Variants in CPSF4L observed in about 807,000 individuals in gnomAD.
CPSF4L encodes the protein cleavage and polyadenylation specific factor 4 like.
A neutral mutation model predicts 24.0 loss-of-function variants in CPSF4L; 18 were observed. The observed-to-expected ratio is 0.75, with a 90% CI of 0.52 to 1.11. CPSF4L has a LOEUF of 1.11. CPSF4L is among the 50% of genes least tolerant of loss of function. CPSF4L has a pLI of 0.00. For missense variants in CPSF4L, 211 were observed against 221.8 expected (o/e 0.95, Z 0.31); for synonymous variants, 72 against 77.2 (o/e 0.93, Z 0.35).
chr17:73,262,898 G>A (rs557318006), upstream of CPSF4L, among the ~76,000 whole-genome samples: 4 of 152,184 alleles, frequency 2.6e-5, no homozygotes, highest in East Asian at 1.9e-4. Context: ...GTTGTTCCCC[G>A]TGGCTGTTGC....
At chr17:73,249,987 C>T in intron 5 of CPSF4L, 1 of 365,456 alleles carries the variant, frequency 2.7e-6, no homozygotes, top group Admixed American at 4.6e-5. Context: ...TTCCCATAGA[C>T]TCGAGCTTTT....
downstream of CPSF4L, chr17:73,248,292 G>A: frequency 1.7e-6 from 1 of 578,286 alleles, no homozygotes; most frequent in Non-Finnish European, 3.1e-6. Context: ...ACAGAAGCCA[G>A]TACGCTTCAG....
upstream of CPSF4L, among the ~76,000 whole-genome samples, chr17:73,263,481 G>A (rs967144326): frequency 6.6e-6 from 1 of 152,192 alleles, no homozygotes; most frequent in Non-Finnish European, 1.5e-5. Context: ...TCTCAATGGA[G>A]AGTCATGATG....
chr17:73,260,984 C>T lies in CPSF4L; in HGVS notation c.104-1G>A. On this transcript the variant is annotated splice_acceptor_variant, in intron 1 of 5. Coordinates refer to ENST00000344935, the MANE Select transcript of CPSF4L (RefSeq NM_001129885.1). LOFTEE classifies it high-confidence loss of function. ...AAGTTGCACACAGCTGAGGCCGACT[C>T]TGGAAGGAGAAGAGGGAACGGAGAA... The T allele has an allele frequency of 6.5e-7, 1 of 1,550,086 alleles. No individual in the cohort carries two copies. Among genetic ancestry groups the T allele is most frequent in the Non-Finnish European group, 8.7e-7 (1 of 1,145,992 alleles).
At chr17:73,257,333 GAGA>G (rs1310889825) in intron 3 of CPSF4L, among the ~76,000 whole-genome samples, 1 of 152,054 alleles carries the variant, frequency 6.6e-6, no homozygotes, top group Non-Finnish European at 1.5e-5. Context: ...CCTGATATTC[GAGA>G]AGTTCTAGCC....
rs114003900 is a variant in CPSF4L at position 73,254,004 on chromosome 17, A to G, written c.330T>C (p.Cys110=). 328 of 1,551,514 alleles carry G rather than the reference A, an allele frequency of 2.1e-4. 1 individual carries two copies. In the African/African-American group the frequency reaches 4.0e-3, roughly 19 times the overall value. ...SKFGDCSNKE[C]SFLHVKPAFK... ...AAGCTGGCTTCACATGGAGGAAGGA[A>G]CACTCCTTGTTGCTGCAGTCACCTG... is the stretch of plus-strand genomic sequence containing the variant. The change falls in exon 4 of 6, where the codon TGT becomes TGC. Residue 110 remains cysteine, a synonymous_variant. Transcript: ENST00000344935.
chr17:73,256,815 T>C (rs2062026074), intron 3 of CPSF4L, among the ~76,000 whole-genome samples: 1 of 152,124 alleles, frequency 6.6e-6, no homozygotes, highest in African/African-American at 2.4e-5. Flanking sequence ...TCACCTGAGG[T>C]CAGGAGTTCA....
At chr17:73,254,161 G>A (rs145649040) in intron 3 of CPSF4L, 135 bp from the exon 4 acceptor site, 2 of 674,548 alleles carry the variant, frequency 3.0e-6, no homozygotes, top group African/African-American at 1.8e-5. Context: ...GCTTTTTGAA[G>A]ATGGAAAGTA....
intron 5 of CPSF4L, among the ~76,000 whole-genome samples, chr17:73,251,544 A>G (rs1254636364): frequency 6.6e-6 from 1 of 152,134 alleles, no homozygotes; most frequent in East Asian, 1.9e-4. Context: ...AACAGTGCAT[A>G]TTTTATACTC....
At chr17:73,251,288 A>G (rs774569098) in intron 5 of CPSF4L, among the ~76,000 whole-genome samples, 1 of 152,150 alleles carries the variant, frequency 6.6e-6, no homozygotes, top group Non-Finnish European at 1.5e-5. Context: ...TTCATTGTAA[A>G]TGGGCTTGTA....
In CPSF4L at chr17:73,261,824, G is replaced by C. The variant is rs199518032; in HGVS notation, c.-6C>G. ...CCCGCAATGACCTCTTGCATCTTCC[G>C]TCTCCTGCTGGGGCTGCGGAAGCTG... On this transcript the variant is annotated 5_prime_UTR_variant, in exon 1 of 6. Transcript: ENST00000344935. 632 of 1,549,642 alleles carry C rather than the reference G, an allele frequency of 4.1e-4. 8 individuals carry two copies. The highest frequency in any genetic ancestry group is 3.3e-4 in the Middle Eastern group (2 of 6,012).
At chr17:73,242,165 TG>T in the CPSF4L span, 1 of 901,862 alleles carries the variant, frequency 1.1e-6, no homozygotes, top group Non-Finnish European at 1.7e-6. Context: ...GGCTTAGCCG[TG>T]GATCCTTCGG....
At chr17:73,259,792 G>C (rs1341016154) in intron 2 of CPSF4L, among the ~76,000 whole-genome samples, 1 of 152,156 alleles carries the variant, frequency 6.6e-6, no homozygotes, top group African/African-American at 2.4e-5. Context: ...GTCCCCTCCA[G>C]CCCCCCAGCT....
At position 73,248,467 on chromosome 17, in the gene CPSF4L, A is replaced by G. The variant is rs1029807808; in HGVS notation, c.*27T>C. 3 of 1,550,334 alleles carry G rather than the reference A, an allele frequency of 1.9e-6. No homozygotes were observed. The highest frequency in any genetic ancestry group is 2.6e-6 in the Non-Finnish European group (3 of 1,145,776). ...TGTTCTGCCCTGTCTGTGGCATTGG[A>G]GTGCCCCGCTAGGTAAGAAGCAACG... On this transcript the variant is annotated 3_prime_UTR_variant, in exon 6 of 6. Coordinates refer to ENST00000344935, the MANE Select transcript of CPSF4L (RefSeq NM_001129885.1).
chr17:73,248,548 A>G lies in CPSF4L; in HGVS notation c.498-12T>C. On this transcript the variant is annotated splice_polypyrimidine_tract_variant and intron_variant, in intron 5 of 5. Transcript: ENST00000344935. Reference sequence around the variant, plus strand: ...ATTCCCGAATCTTCCTGCAAGGTGCATACAAATGCAGCGTGAGAATCCATA... The same window carrying G: ...ATTCCCGAATCTTCCTGCAAGGTGCGTACAAATGCAGCGTGAGAATCCATA... The G allele has an allele frequency of 6.4e-7, 1 of 1,551,614 alleles. No homozygotes were observed. Among genetic ancestry groups the G allele is most frequent in the Non-Finnish European group, 8.7e-7 (1 of 1,146,920 alleles).
chr17:73,252,948 G>A (rs185025061), intron 4 of CPSF4L, among the ~76,000 whole-genome samples: 12 of 152,336 alleles, frequency 7.9e-5, no homozygotes, highest in African/African-American at 2.9e-4. Flanking sequence ...GGTGTCAGCT[G>A]GCAAGTTCTG....
intron 5 of CPSF4L, 79 bp downstream of exon 5, chr17:73,252,551 G>T: frequency 1.2e-6 from 1 of 860,234 alleles, no homozygotes; most frequent in Non-Finnish European, 1.9e-6. Flanking sequence ...AAGGACCAGC[G>T]AAGGTATGGA....
the CPSF4L span, chr17:73,242,347 A>G: frequency 1.3e-6 from 2 of 1,569,432 alleles, no homozygotes; most frequent in South Asian, 2.3e-5. Context: ...GAGCTGTACA[A>G]AAAGGTGAGG....
chr17:73,252,503 A>C, intron 5 of CPSF4L, 127 bp downstream of exon 5: 1 of 682,460 alleles, frequency 1.5e-6, no homozygotes, highest in Non-Finnish European at 2.6e-6. Context: ...CCAGGAAAAT[A>C]CTGGAGCGGA....
Sources: gnomAD v4.1 joint callset for allele counts (sites outside exome capture counted in the v4.1 genomes callset) on GRCh38, gnomAD v4.1.1 for gene constraint, MANE v1.5 for transcripts, NCBI Gene and HGNC (gene_info 2026-07-23, HGNC 2026-07-21) for gene names.